RANBP2: variants seen among roughly 807,000 people sequenced by gnomAD.
The protein encoded by RANBP2 is RAN binding protein 2.
RANBP2 carries 57 observed loss-of-function variants against 303.6 expected under a neutral mutation model. That is an observed-to-expected ratio of 0.19 (90% CI 0.15 to 0.23). The LOEUF is 0.23. Among genes scored for constraint, RANBP2 ranks in the 10% least tolerant of loss-of-function variants. The probability of loss-of-function intolerance (pLI) is 1.00; values close to 1 mark genes in which losing one functional copy is unlikely to be tolerated. For synonymous variants in RANBP2, 1,167 were observed against 1,301.5 expected, an observed-to-expected ratio of 0.90 and a Z score of 2.23; for missense variants, 3,138 against 3,780.8, an observed-to-expected ratio of 0.83 and a Z score of 4.46.
chr2:109,075,149 A>T, the RANBP2 span, among the ~76,000 whole-genome samples: 2 of 150,396 alleles, frequency 1.3e-5, no homozygotes, highest in African/African-American at 4.8e-5. Context: ...AGAAGAAAAG[A>T]AATTACAAAG....
chr2:108,803,647 C>T, the RANBP2 span, among the ~76,000 whole-genome samples: 11 of 152,228 alleles, frequency 7.2e-5, no homozygotes, highest in African/African-American at 2.2e-4. Context: ...GGGACCCACC[C>T]TGAGGCAAAA....
chr2:109,486,286 G>A, the RANBP2 span, among the ~76,000 whole-genome samples: 16 of 152,066 alleles, frequency 1.1e-4, no homozygotes, highest in Admixed American at 3.3e-4. Context: ...AAAATCTTTG[G>A]GGGTGGGGCC....
At chr2:108,925,971 T>C in the RANBP2 span, among the ~76,000 whole-genome samples, 5 of 152,194 alleles carry the variant, frequency 3.3e-5, no homozygotes, top group Non-Finnish European at 7.3e-5. Flanking sequence ...AAACTGTCCT[T>C]CCTCACCCAG....
At chr2:109,406,001 C>T in the RANBP2 span, among the ~76,000 whole-genome samples, 5 of 152,326 alleles carry the variant, frequency 3.3e-5, no homozygotes, top group Non-Finnish European at 7.3e-5. Flanking sequence ...CCCGCAGGCC[C>T]GGCTGCACAT....
chr2:108,732,262 A>C (rs1695228377), intron 4 of RANBP2, among the ~76,000 whole-genome samples: 1 of 152,142 alleles, frequency 6.6e-6, no homozygotes, highest in Non-Finnish European at 1.5e-5. Context: ...ATTGTACAGA[A>C]AGATTCTGTA....
chr2:109,369,126 C>T, the RANBP2 span, among the ~76,000 whole-genome samples: 2 of 151,614 alleles, frequency 1.3e-5, no homozygotes, highest in Non-Finnish European at 2.9e-5. Context: ...GGGCAGATCA[C>T]GAGGTCAGGG....
chr2:109,512,417 CT>C, the RANBP2 span, among the ~76,000 whole-genome samples: 1 of 152,166 alleles, frequency 6.6e-6, no homozygotes, highest in African/African-American at 2.4e-5. Flanking sequence ...CTCCTGCCCC[CT>C]CCTGAGTCAA....
the RANBP2 span, among the ~76,000 whole-genome samples, chr2:108,914,190 G>A: frequency 6.6e-6 from 1 of 151,520 alleles, no homozygotes; most frequent in African/African-American, 2.4e-5. Flanking sequence ...AACCCGGGAG[G>A]TGGAGGTTGC....
the RANBP2 span, among the ~76,000 whole-genome samples, chr2:108,997,314 G>A: frequency 6.6e-6 from 1 of 151,918 alleles, no homozygotes; most frequent in Admixed American, 6.6e-5. Flanking sequence ...GGCGGCGTGC[G>A]CCTGTAGTCC....
the RANBP2 span, among the ~76,000 whole-genome samples, chr2:109,200,579 G>T: frequency 6.6e-6 from 1 of 152,132 alleles, no homozygotes; most frequent in African/African-American, 2.4e-5. Context: ...TCTAGGCACC[G>T]CCGACCTTTT....
chr2:109,102,405 T>C, the RANBP2 span, among the ~76,000 whole-genome samples: 5 of 145,354 alleles, frequency 3.4e-5, no homozygotes, highest in Non-Finnish European at 7.5e-5. Flanking sequence ...CGGCTGCCCA[T>C]GTATATTTTT....
chr2:109,602,578 G>C, the RANBP2 span, among the ~76,000 whole-genome samples: 1 of 151,914 alleles, frequency 6.6e-6, no homozygotes, highest in South Asian at 2.1e-4. Context: ...GGGAGGGTGA[G>C]GCAGGAGAAT....
At chr2:109,078,120 C>T in the RANBP2 span, among the ~76,000 whole-genome samples, 80 of 33,596 alleles carry the variant, frequency 2.4e-3, 8 homozygotes, top group African/African-American at 5.1e-3. Context: ...ATATATATAG[C>T]GTGTATATAT....
the RANBP2 span, among the ~76,000 whole-genome samples, chr2:109,275,400 A>C: frequency 6.6e-6 from 1 of 152,172 alleles, no homozygotes; most frequent in African/African-American, 2.4e-5. Context: ...ATGTGGCCTG[A>C]GGAGGGTTCC....
the RANBP2 span, among the ~76,000 whole-genome samples, chr2:108,863,548 A>C: frequency 2.0e-5 from 3 of 152,106 alleles, no homozygotes; most frequent in African/African-American, 7.2e-5. Context: ...CATCATCAAG[A>C]CTTGGGGTTT....
At chr2:109,205,051 A>G in the RANBP2 span, among the ~76,000 whole-genome samples, 1 of 152,068 alleles carries the variant, frequency 6.6e-6, no homozygotes, top group African/African-American at 2.4e-5. Flanking sequence ...CTACAAAACT[A>G]AAAATATTAA....
the RANBP2 span, among the ~76,000 whole-genome samples, chr2:108,825,699 C>T: frequency 2.0e-5 from 3 of 152,150 alleles, no homozygotes; most frequent in Non-Finnish European, 4.4e-5. Flanking sequence ...ACCCATATCA[C>T]TTGATAGACT....
chr2:108,956,552 G>T, the RANBP2 span, among the ~76,000 whole-genome samples: 3 of 152,176 alleles, frequency 2.0e-5, no homozygotes, highest in African/African-American at 4.8e-5. Context: ...ATCTGGCAAG[G>T]CACAAGGCTC....
At chr2:108,943,005 G>A in the RANBP2 span, among the ~76,000 whole-genome samples, 1 of 152,228 alleles carries the variant, frequency 6.6e-6, no homozygotes, top group African/African-American at 2.4e-5. Flanking sequence ...GCGTTTCACC[G>A]GGCAGGTGAC....
Sources: allele counts gnomAD v4.1 joint callset (sites outside exome capture counted in the v4.1 genomes callset), GRCh38; gene constraint gnomAD v4.1.1; transcripts MANE v1.5; gene names NCBI Gene and HGNC (gene_info 2026-07-23, HGNC 2026-07-21).